ZFPM2: variants seen among roughly 807,000 people sequenced by gnomAD.
ZFPM2 encodes zinc finger protein, FOG family member 2, also known as zinc finger protein ZFPM2.
A neutral mutation model predicts 98.6 loss-of-function variants in ZFPM2; 20 were observed. The observed-to-expected ratio is 0.20, with a 90% CI of 0.14 to 0.29. The LOEUF (loss-of-function observed/expected upper bound fraction) is 0.29. ZFPM2 is among the 10% of genes least tolerant of loss of function. ZFPM2 has a pLI of 1.00. For synonymous variants in ZFPM2, 518 were observed against 502.7 expected (o/e 1.03, Z -0.41); for missense variants, 1,310 against 1,388.6 (o/e 0.94, Z 0.90).
chr8:105,680,800 T>G (rs1299492853), intron 5 of ZFPM2, among the ~76,000 whole-genome samples: 1 of 152,172 alleles, frequency 6.6e-6, no homozygotes, highest in Non-Finnish European at 1.5e-5. Flanking sequence ...ATCTCTAAAA[T>G]GCTTCATGAA....
At chr8:105,625,889 A>C (rs1816643505) in intron 4 of ZFPM2, among the ~76,000 whole-genome samples, 1 of 151,654 alleles carries the variant, frequency 6.6e-6, no homozygotes, top group Admixed American at 6.6e-5. Flanking sequence ...TTTTTATATC[A>C]CATCAATAAT....
intron 3 of ZFPM2, among the ~76,000 whole-genome samples, chr8:105,454,110 G>A (rs1440422110): frequency 6.6e-6 from 1 of 152,014 alleles, no homozygotes; most frequent in Non-Finnish European, 1.5e-5. Context: ...ATTCAATAAA[G>A]ATCCATGTAT....
At chr8:105,774,719 T>G (rs2131097686) in intron 5 of ZFPM2, among the ~76,000 whole-genome samples, 1 of 152,292 alleles carries the variant, frequency 6.6e-6, no homozygotes, top group Admixed American at 6.5e-5. Context: ...TGTTCAGAGA[T>G]GGTTTCCAGA....
At chr8:105,443,805 G>T (rs11997028) in intron 2 of ZFPM2, among the ~76,000 whole-genome samples, 4 of 151,886 alleles carry the variant, frequency 2.6e-5, no homozygotes, top group Admixed American at 1.3e-4. Context: ...CAGTCTTAGC[G>T]AGCATAAAGC....
chr8:105,580,827 C>CTCTA lies in ZFPM2; in HGVS notation c.420+19347_420+19348insCTAT, dbSNP rs1277698205. ...TCTCTCTCTCTCTCTCTCTCTCTCT[C>CTCTA]TATATATATATATATATAAATCACT... On this transcript the variant is annotated intron_variant, in intron 4 of 7. Transcript: ENST00000407775. 3.4e-3 allele frequency among the ~76,000 whole-genome samples: 444 copies of CTCTA among 131,462 alleles called. 2 individuals carry two copies. Among genetic ancestry groups the CTCTA allele is most frequent in the African/African-American group, 0.01 (367 of 35,618 alleles). 86.2% of individuals were successfully genotyped at this position (131,462 alleles called of 152,430 possible).
chr8:105,581,920 C>T (rs1467537216), intron 4 of ZFPM2, among the ~76,000 whole-genome samples: 1 of 152,186 alleles, frequency 6.6e-6, no homozygotes, highest in Non-Finnish European at 1.5e-5. Flanking sequence ...AGATTGTGAT[C>T]TTATCCCAAC....
At chr8:105,509,201 C>T (rs1235487893) in intron 3 of ZFPM2, among the ~76,000 whole-genome samples, 1 of 152,132 alleles carries the variant, frequency 6.6e-6, no homozygotes, top group Non-Finnish European at 1.5e-5. Flanking sequence ...TGAGAACTAC[C>T]AGGAAAACAG....
chr8:105,327,291 T>C (rs1237139943), intron 1 of ZFPM2, among the ~76,000 whole-genome samples: 1 of 151,730 alleles, frequency 6.6e-6, no homozygotes, highest in Non-Finnish European at 1.5e-5. Context: ...TTTAAAAATA[T>C]GAATAGAGTG....
Position 105,765,648 on chromosome 8 carries a change from G to A in ZFPM2, c.533-23070G>A, listed in dbSNP as rs573785102. 7.2e-5 allele frequency among the ~76,000 whole-genome samples: 11 copies of A among 151,916 alleles called. No individual in the cohort carries two copies. In the South Asian group the frequency reaches 2.3e-3, roughly 31 times the overall value. On this transcript the variant is annotated intron_variant, in intron 5 of 7. Coordinates refer to ENST00000407775, the MANE Select transcript of ZFPM2 (RefSeq NM_012082.4). ...AATGCAGCATAATTCGTTTTTGAGA[G>A]TTATCAGGCAGCTCGTCCCCAAATC...
chr8:105,511,614 A>C (rs560568047), intron 3 of ZFPM2, among the ~76,000 whole-genome samples: 1 of 152,288 alleles, frequency 6.6e-6, no homozygotes, highest in East Asian at 1.9e-4. Context: ...CAATATTAAC[A>C]TTTTTTTGAA....
At chr8:105,504,579 C>A (rs909938061) in intron 3 of ZFPM2, among the ~76,000 whole-genome samples, 1 of 152,010 alleles carries the variant, frequency 6.6e-6, no homozygotes. Context: ...TCCTAGCCTG[C>A]GTGAAAAAAC....
chr8:105,507,726 C>A (rs1374119040), intron 3 of ZFPM2, among the ~76,000 whole-genome samples: 5 of 152,072 alleles, frequency 3.3e-5, no homozygotes, highest in African/African-American at 4.8e-5. Flanking sequence ...ACGGCCCAAC[C>A]AATAGCATGA....
chr8:105,677,500 C>T (rs1810499052), intron 5 of ZFPM2, among the ~76,000 whole-genome samples: 1 of 152,012 alleles, frequency 6.6e-6, no homozygotes, highest in African/African-American at 2.4e-5. Context: ...AAACAATTCT[C>T]TTCAACAAAT....
chr8:105,553,585 T>C (rs1814913994), intron 3 of ZFPM2, among the ~76,000 whole-genome samples: 1 of 152,170 alleles, frequency 6.6e-6, no homozygotes, highest in Admixed American at 6.5e-5. Flanking sequence ...TACAAGCTAA[T>C]TCAGTGCTCT....
chr8:105,400,057 T>C (rs992037700), intron 1 of ZFPM2, among the ~76,000 whole-genome samples: 17 of 152,152 alleles, frequency 1.1e-4, no homozygotes, highest in Non-Finnish European at 2.5e-4. Context: ...TGTGAGCCAC[T>C]GCCCCTGGCC....
intron 4 of ZFPM2, among the ~76,000 whole-genome samples, chr8:105,602,074 T>A (rs1310892815): frequency 6.6e-6 from 1 of 152,100 alleles, no homozygotes; most frequent in Non-Finnish European, 1.5e-5. Context: ...ACTTGATAGC[T>A]CATACTTGCA....
intron 3 of ZFPM2, among the ~76,000 whole-genome samples, chr8:105,471,953 T>C (rs750189328): frequency 6.6e-6 from 1 of 152,142 alleles, no homozygotes; most frequent in Non-Finnish European, 1.5e-5. Flanking sequence ...ACCCCAATTT[T>C]CTAGCCCAGT....
intron 4 of ZFPM2, among the ~76,000 whole-genome samples, chr8:105,583,710 T>G (rs1403572772): frequency 1.3e-5 from 2 of 152,136 alleles, no homozygotes; most frequent in African/African-American, 2.4e-5. Context: ...CTTCTTTTGA[T>G]GAAAGGTGGC....
intron 2 of ZFPM2, among the ~76,000 whole-genome samples, chr8:105,443,333 A>G (rs1044084783): frequency 4.6e-5 from 7 of 151,022 alleles, no homozygotes; most frequent in Non-Finnish European, 8.8e-5. Context: ...AAACAAAAAA[A>G]AAAAAACTTG....
Sources: gnomAD v4.1 joint callset for allele counts (sites outside exome capture counted in the v4.1 genomes callset) on GRCh38, gnomAD v4.1.1 for gene constraint, MANE v1.5 for transcripts, NCBI Gene and HGNC (gene_info 2026-07-23, HGNC 2026-07-21) for gene names.